CCSER2: variants seen among roughly 807,000 people sequenced by gnomAD.
CCSER2 encodes serine-rich coiled-coil domain-containing protein 2.
A neutral mutation model predicts 92.3 loss-of-function variants in CCSER2; 46 were observed. That is an observed-to-expected ratio of 0.50 (90% CI 0.39 to 0.64). The LOEUF (loss-of-function observed/expected upper bound fraction) is 0.64. Among genes scored for constraint, CCSER2 ranks in the 30% least tolerant of loss-of-function variants. CCSER2 has a pLI of 0.00. For synonymous variants in CCSER2, 433 were observed against 431.4 expected (o/e 1.00, Z -0.04); for missense variants, 1,244 against 1,238.9 (o/e 1.00, Z -0.06).
chr10:84,491,464 T>C (rs1848161314), intron 9 of CCSER2, among the ~76,000 whole-genome samples: 1 of 152,174 alleles, frequency 6.6e-6, no homozygotes, highest in Admixed American at 6.5e-5. Context: ...CCAGCCTTGC[T>C]GCCACCTTGC....
chr10:84,412,025 T>C (rs1490439242), intron 3 of CCSER2, among the ~76,000 whole-genome samples: 1 of 152,248 alleles, frequency 6.6e-6, no homozygotes, highest in Non-Finnish European at 1.5e-5. Context: ...TGAAGAGATG[T>C]TGAATTTTAT....
At chr10:84,425,245 G>C in intron 4 of CCSER2, 3 of 750,326 alleles carry the variant, frequency 4.0e-6, no homozygotes, top group Non-Finnish European at 4.9e-6. Flanking sequence ...AATTTTAAAA[G>C]TGTGATTTGT....
rs529118950 is a variant in CCSER2, at chr10:84,424,965, G to A, written c.1706-766G>A. The A allele has an allele frequency of 9.1e-6, 9 of 984,312 alleles. No homozygotes were observed. In the East Asian group the frequency reaches 7.9e-4, roughly 87 times the overall value. 61.0% of individuals were successfully genotyped at this position (984,312 alleles called of 1,614,324 possible). A position where few individuals can be genotyped will look rare whatever the true frequency, so the allele number is the denominator to read the frequency against. On this transcript the variant is annotated intron_variant, in intron 4 of 9. Transcript: ENST00000372088. The stretch of plus-strand genomic sequence containing the variant: ...GTGCCTTGGGTACAACTATGTCTGA[G>A]TAGGCAGCCGGTAACACAATGTCTC...
chr10:84,335,616 T>C (rs949297435), intron 1 of CCSER2, among the ~76,000 whole-genome samples: 1 of 152,078 alleles, frequency 6.6e-6, no homozygotes, highest in African/African-American at 2.4e-5. Flanking sequence ...TCCCCAACAC[T>C]GCCCCCATGT....
At chr10:84,508,691 A>G (rs961685833) in intron 9 of CCSER2, among the ~76,000 whole-genome samples, 2 of 152,178 alleles carry the variant, frequency 1.3e-5, no homozygotes, top group Non-Finnish European at 2.9e-5. Flanking sequence ...CTTGATGTGG[A>G]TTCAAAACTT....
intron 3 of CCSER2, among the ~76,000 whole-genome samples, chr10:84,404,197 G>T (rs1159320985): frequency 6.6e-6 from 1 of 152,140 alleles, no homozygotes; most frequent in East Asian, 1.9e-4. Context: ...AAATCCACAG[G>T]ATACACAGGG....
chr10:84,466,434 G>T (rs1391505719), intron 7 of CCSER2, among the ~76,000 whole-genome samples: 1 of 151,774 alleles, frequency 6.6e-6, no homozygotes, highest in Non-Finnish European at 1.5e-5. Context: ...ACCTCTGCAG[G>T]TAGCCTTATG....
chr10:84,446,945 A>G (rs10887291), intron 6 of CCSER2, among the ~76,000 whole-genome samples: 55,964 of 150,088 alleles, frequency 0.37, 10,582 homozygotes, highest in Admixed American at 0.52. Flanking sequence ...ATTAATTTTC[A>G]TTTCTCTATT....
At chr10:84,491,737 A>G (rs369837943) in intron 9 of CCSER2, among the ~76,000 whole-genome samples, 3 of 152,064 alleles carry the variant, frequency 2.0e-5, no homozygotes, top group East Asian at 3.9e-4. Context: ...TGTGGGCTGC[A>G]TACACTGTCC....
chr10:84,354,876 A>C (rs1845076709), intron 1 of CCSER2, among the ~76,000 whole-genome samples: 1 of 151,436 alleles, frequency 6.6e-6, no homozygotes, highest in Non-Finnish European at 1.5e-5. Flanking sequence ...CTGGGGAAAA[A>C]CATCATGTCC....
intron 4 of CCSER2, among the ~76,000 whole-genome samples, chr10:84,424,218 T>C (rs1037946644): frequency 1.3e-5 from 2 of 151,930 alleles, no homozygotes; most frequent in Non-Finnish European, 2.9e-5. Context: ...ATTTTCTACT[T>C]CTGACATTTT....
chr10:84,418,531 A>G (rs1288845362), intron 4 of CCSER2, among the ~76,000 whole-genome samples: 5 of 152,210 alleles, frequency 3.3e-5, no homozygotes, highest in Non-Finnish European at 7.3e-5. Flanking sequence ...CTGCCCTTAG[A>G]AATCTGAGAA....
chr10:84,454,458 T>TA, intron 6 of CCSER2, among the ~76,000 whole-genome samples: 1 of 152,260 alleles, frequency 6.6e-6, no homozygotes, highest in Non-Finnish European at 1.5e-5. Flanking sequence ...AGATGCAATA[T>TA]ACACAGTAAA....
chr10:84,389,014 T>C (rs915904864), intron 3 of CCSER2, among the ~76,000 whole-genome samples: 1 of 152,128 alleles, frequency 6.6e-6, no homozygotes, highest in African/African-American at 2.4e-5. Context: ...AATCACAGAA[T>C]AACCATTCGC....
intron 4 of CCSER2, among the ~76,000 whole-genome samples, chr10:84,423,573 CTACTGTGTGGAT>C (rs1330732314): frequency 6.6e-6 from 1 of 152,176 alleles, no homozygotes; most frequent in African/African-American, 2.4e-5. Context: ...TCTGTGTGGA[CTACTGTGTGGAT>C]ATCATTCAAA....
chr10:84,344,679 G>A (rs1844382779), intron 1 of CCSER2, among the ~76,000 whole-genome samples: 1 of 152,198 alleles, frequency 6.6e-6, no homozygotes, highest in Non-Finnish European at 1.5e-5. Flanking sequence ...GGCATTTTGA[G>A]TCAAGGGAGT....
chr10:84,416,343 CT>C (rs1842885322), intron 3 of CCSER2, among the ~76,000 whole-genome samples: 1 of 152,120 alleles, frequency 6.6e-6, no homozygotes, highest in South Asian at 2.1e-4. Context: ...GCTTTCATTC[CT>C]CTCCGTGAGT....
intron 3 of CCSER2, chr10:84,393,845 G>A (rs1007545191): frequency 6.6e-6 from 1 of 152,200 alleles, no homozygotes; most frequent in African/African-American, 2.4e-5. Context: ...AAAATGTGAT[G>A]CTAGCATAGA....
rs577079954 is a variant in CCSER2, at chr10:84,516,660, T to C, written c.*2393T>C. The C allele has an allele frequency of 6.6e-6, 1 of 152,326 alleles. No homozygotes were observed. Among genetic ancestry groups the C allele is most frequent in the South Asian group, 2.1e-4 (1 of 4,824 alleles). The allele number at this position is 152,326 out of a possible 1,614,324, so 9.4% of individuals were successfully genotyped here. On this transcript the variant is annotated 3_prime_UTR_variant, in exon 10 of 10. Transcript: ENST00000372088. ...TTCCCTAGTCTGAGGGAAATGTCTTTATTGTCCATTACATAAAAATGTTGA... is the reference window on the plus strand; with the variant it reads ...TTCCCTAGTCTGAGGGAAATGTCTTCATTGTCCATTACATAAAAATGTTGA...
Sources: allele counts gnomAD v4.1 joint callset (sites outside exome capture counted in the v4.1 genomes callset), GRCh38; gene constraint gnomAD v4.1.1; transcripts MANE v1.5; gene names NCBI Gene and HGNC (gene_info 2026-07-23, HGNC 2026-07-21).